The following SLC23A2 variants were observed in gnomAD, a reference collection of about 807,000 sequenced individuals.
The protein encoded by SLC23A2 is Na(+)/L-ascorbic acid transporter 2.
Under a neutral mutation model 73.3 loss-of-function variants are expected in SLC23A2, and 36 were observed. That is an observed-to-expected ratio of 0.49 (90% confidence interval 0.38 to 0.65). The LOEUF is 0.65. Among genes scored for constraint, SLC23A2 ranks in the 30% least tolerant of loss-of-function variants. The pLI is 0.00. For synonymous variants in SLC23A2, 343 were observed against 327.3 expected (o/e 1.05, Z -0.52); for missense variants, 507 against 841.6 (o/e 0.60, Z 4.92).
chr20:4,962,975 G>T (rs982481361), intron 2 of SLC23A2, among the ~76,000 whole-genome samples: 2 of 152,084 alleles, frequency 1.3e-5, no homozygotes, highest in Non-Finnish European at 2.9e-5. Flanking sequence ...CTCCAGCCTG[G>T]GTGACAGAGC....
chr20:4,993,218 A>G (rs1258150049), intron 1 of SLC23A2, among the ~76,000 whole-genome samples: 1 of 149,930 alleles, frequency 6.7e-6, no homozygotes. Flanking sequence ...TGGGAGGTGG[A>G]GCTTGCAGTG....
intron 2 of SLC23A2, among the ~76,000 whole-genome samples, chr20:4,939,049 C>T (rs1472192232): frequency 1.3e-5 from 2 of 152,002 alleles, no homozygotes; most frequent in Admixed American, 1.3e-4. Flanking sequence ...TGAGAACAAC[C>T]TGGGCAAGAT....
chr20:4,957,498 A>G (rs1341227667), intron 2 of SLC23A2, among the ~76,000 whole-genome samples: 1 of 151,538 alleles, frequency 6.6e-6, no homozygotes, highest in Non-Finnish European at 1.5e-5. Context: ...TACTCTAGAA[A>G]TTTTAAAGAG....
At chr20:4,911,138 T>C (rs879619262) in intron 4 of SLC23A2, among the ~76,000 whole-genome samples, 1 of 152,182 alleles carries the variant, frequency 6.6e-6, no homozygotes, top group Non-Finnish European at 1.5e-5. Context: ...AGATGGACCG[T>C]GTGAAAGCTG....
chr20:4,871,182 C>T (rs920546156), intron 11 of SLC23A2, among the ~76,000 whole-genome samples: 6 of 152,158 alleles, frequency 3.9e-5, no homozygotes, highest in African/African-American at 7.2e-5. Flanking sequence ...GGGAAAAGAA[C>T]GATGGCTAAA....
At position 4,867,957 on chromosome 20, in the gene SLC23A2, A is replaced by G. The variant is rs72552222; in HGVS notation, c.1251-82T>C. 6.6e-4 allele frequency: 538 copies of G among 815,334 alleles called. 2 individuals carry two copies. The highest frequency in any genetic ancestry group is 1.0e-3 in the Non-Finnish European group (490 of 489,766). 50.5% of individuals were successfully genotyped at this position (815,334 alleles called of 1,614,324 possible). A position where few individuals can be genotyped will look rare whatever the true frequency, so the allele number is the denominator to read the frequency against. On this transcript the variant is annotated intron_variant, in intron 12 of 16. Transcript: ENST00000338244. ...CTGAAATAGCCTCTACACATCTACA[A>G]TCCAAAAATGTGGTCCAGAGCCTGC...
intron 4 of SLC23A2, among the ~76,000 whole-genome samples, chr20:4,908,169 T>C (rs1268532618): frequency 1.3e-5 from 2 of 152,174 alleles, no homozygotes; most frequent in East Asian, 3.8e-4. Context: ...TATTTAAAGA[T>C]ACAATTCCTG....
At chr20:5,005,620 A>G (rs1041229174), upstream of SLC23A2, among the ~76,000 whole-genome samples, 4 of 152,202 alleles carry the variant, frequency 2.6e-5, no homozygotes, top group African/African-American at 9.6e-5. Context: ...TTCTGGAAAG[A>G]GCTAGATAAT....
At position 4,994,234 on chromosome 20, in the gene SLC23A2, T is replaced by C. The variant is rs73601323; in HGVS notation, c.-282+7172A>G. The stretch of plus-strand genomic sequence containing the variant: ...TTGGCTGTGTTGCAATTAAACCTTA[T>C]TTACAAAACCAGATGCTGGTGATGC... On this transcript the variant is annotated intron_variant, in intron 1 of 16. Transcript: ENST00000338244. Among the ~76,000 whole-genome samples the C allele has an allele frequency of 6.5e-3, 995 of 152,260 alleles. 12 individuals are homozygous for C. The highest frequency in any genetic ancestry group is 0.021 in the African/African-American group (885 of 41,546).
At chr20:4,941,127 G>A (rs1448536066) in intron 2 of SLC23A2, among the ~76,000 whole-genome samples, 1 of 151,814 alleles carries the variant, frequency 6.6e-6, no homozygotes, top group African/African-American at 2.4e-5. Context: ...CTACACTCCA[G>A]CCTGGGCGAC....
At chr20:4,949,418 A>G (rs2087165660) in intron 2 of SLC23A2, among the ~76,000 whole-genome samples, 1 of 152,192 alleles carries the variant, frequency 6.6e-6, no homozygotes, top group Non-Finnish European at 1.5e-5. Context: ...TGGAAAGTAA[A>G]TAAGCACCTG....
intron 2 of SLC23A2, among the ~76,000 whole-genome samples, chr20:4,949,646 C>A (rs1476022381): frequency 6.6e-6 from 1 of 151,972 alleles, no homozygotes; most frequent in Non-Finnish European, 1.5e-5. Context: ...GGCACAGTCA[C>A]ACACACACAG....
chr20:4,990,969 C>T (rs1172753645), intron 1 of SLC23A2, among the ~76,000 whole-genome samples: 3 of 110,442 alleles, frequency 2.7e-5, no homozygotes, highest in African/African-American at 1.2e-4. Flanking sequence ...AAAACTCCAT[C>T]TCAAAAAAAA....
At chr20:4,972,647 C>T (rs886197684) in intron 1 of SLC23A2, among the ~76,000 whole-genome samples, 6 of 151,776 alleles carry the variant, frequency 4.0e-5, no homozygotes, top group Non-Finnish European at 5.9e-5. Context: ...AGTGCCGTGG[C>T]GCAATCTTGG....
chr20:4,940,698 G>A (rs1315806640), intron 2 of SLC23A2, among the ~76,000 whole-genome samples: 1 of 152,170 alleles, frequency 6.6e-6, no homozygotes, highest in Non-Finnish European at 1.5e-5. Context: ...AACACAGGGT[G>A]AACATCTTTC....
At chr20:4,983,383 A>G (rs2087758055) in intron 1 of SLC23A2, among the ~76,000 whole-genome samples, 1 of 152,184 alleles carries the variant, frequency 6.6e-6, no homozygotes, top group Non-Finnish European at 1.5e-5. Context: ...GCAGTGGCTC[A>G]CGCCTGTAAT....
chr20:4,941,329 G>A (rs2087037773), intron 2 of SLC23A2, among the ~76,000 whole-genome samples: 1 of 152,020 alleles, frequency 6.6e-6, no homozygotes, highest in Non-Finnish European at 1.5e-5. Flanking sequence ...AAGAGTTCAA[G>A]ATCAGCCTGG....
At chr20:4,983,611 A>AGT (rs1359565641) in intron 1 of SLC23A2, among the ~76,000 whole-genome samples, 1 of 146,548 alleles carries the variant, frequency 6.8e-6, no homozygotes, top group Non-Finnish European at 1.5e-5. Flanking sequence ...GCGCCACTGC[A>AGT]CTCCAGCCTG....
chr20:4,969,613 C>G (rs1519866), intron 2 of SLC23A2, among the ~76,000 whole-genome samples: 57,597 of 140,850 alleles, frequency 0.41, 11,798 homozygotes, highest in Admixed American at 0.48. Context: ...GAGGCAGGGT[C>G]TCACTCTGCC....
Sources: allele counts gnomAD v4.1 joint callset (sites outside exome capture counted in the v4.1 genomes callset), GRCh38; gene constraint gnomAD v4.1.1; transcripts MANE v1.5; gene names NCBI Gene and HGNC (gene_info 2026-07-23, HGNC 2026-07-21).